The following SLC39A10 variants were observed in gnomAD, a reference collection of about 807,000 sequenced individuals.
SLC39A10 encodes zinc transporter ZIP10.
In SLC39A10, 13 loss-of-function variants were observed where a neutral mutation model predicts 65.1. The ratio of observed to expected loss-of-function variants is 0.20; its 90% CI spans 0.13 to 0.32. SLC39A10 has a LOEUF of 0.32. Ranked by LOEUF, SLC39A10 falls within the 10% of genes least tolerant of loss-of-function variation. The pLI, the probability that SLC39A10 is intolerant of heterozygous loss-of-function variation, is 1.00. For synonymous variants in SLC39A10, 321 were observed against 342.2 expected, an observed-to-expected ratio of 0.94 and a Z score of 0.68; for missense variants, 831 against 1,018.4, an observed-to-expected ratio of 0.82 and a Z score of 2.50.
intron 3 of SLC39A10, among the ~76,000 whole-genome samples, chr2:195,699,618 C>A (rs1691100339): frequency 6.6e-6 from 1 of 152,046 alleles, no homozygotes; most frequent in Non-Finnish European, 1.5e-5. Context: ...TGATTTCTAA[C>A]TATTCCATTA....
At chr2:195,692,043 G>T (rs1195037658) in intron 3 of SLC39A10, among the ~76,000 whole-genome samples, 1 of 152,170 alleles carries the variant, frequency 6.6e-6, no homozygotes, top group Admixed American at 6.5e-5. Flanking sequence ...GAGAGCTGAG[G>T]ATCCAGTTTC....
At chr2:195,729,391 C>G (rs1252071902) in intron 9 of SLC39A10, among the ~76,000 whole-genome samples, 1 of 152,176 alleles carries the variant, frequency 6.6e-6, no homozygotes, top group African/African-American at 2.4e-5. Flanking sequence ...TAGTCATCTT[C>G]CCTGCTGACT....
intron 9 of SLC39A10, among the ~76,000 whole-genome samples, chr2:195,734,194 G>T (rs926469638): frequency 3.4e-5 from 5 of 146,042 alleles, no homozygotes; most frequent in Middle Eastern, 3.6e-3. Context: ...TTTTTGAGAT[G>T]GAGTTTTGCT....
At position 195,734,412 on chromosome 2, in the gene SLC39A10, C is replaced by T. The variant is rs577568584; in HGVS notation, c.2338-471C>T. ...TCCTGACCCCATGATCCGCCCACCT[C>T]GGCCTTCCAAAGTGCTGGGATTTAT... On this transcript the variant is annotated intron_variant, in intron 9 of 9. Transcript: ENST00000359634. Among the ~76,000 whole-genome samples the T allele has an allele frequency of 1.1e-4, 16 of 152,258 alleles. No homozygotes were observed. In the East Asian group the frequency reaches 1.9e-3, roughly 18 times the overall value.
At chr2:195,620,163 A>AT (rs1159729464) in intron 2 of SLC39A10, among the ~76,000 whole-genome samples, 2 of 152,002 alleles carry the variant, frequency 1.3e-5, no homozygotes, top group African/African-American at 2.4e-5. Context: ...ACCTCAAGTG[A>AT]TCCCCCCGCC....
chr2:195,616,780 T>A (rs1409016223), intron 2 of SLC39A10, among the ~76,000 whole-genome samples: 2 of 151,988 alleles, frequency 1.3e-5, no homozygotes, highest in African/African-American at 4.8e-5. Flanking sequence ...ATTTTTTGTA[T>A]TTTTAGTAGA....
In SLC39A10 at chr2:195,709,192, C is replaced by CT. The variant is rs552382598; in HGVS notation, c.1575+350dup. 8.5e-5 allele frequency among the ~76,000 whole-genome samples: 12 copies of CT among 141,490 alleles called. No individual in the cohort carries two copies. In the South Asian group the frequency reaches 1.2e-3, roughly 14 times the overall value. 92.8% of individuals were successfully genotyped at this position (141,490 alleles called of 152,430 possible). ...GGCACATGCCACCATGCCCAGCTAA[C>CT]TTGTATGTATGTATGTATGTATGTA... is the stretch of plus-strand genomic sequence containing the variant. On this transcript the variant is annotated intron_variant, in intron 5 of 9. Coordinates refer to ENST00000359634, the MANE Select transcript of SLC39A10 (RefSeq NM_020342.3).
chr2:195,730,967 A>G (rs993909939), intron 9 of SLC39A10, among the ~76,000 whole-genome samples: 4 of 151,812 alleles, frequency 2.6e-5, no homozygotes, highest in African/African-American at 9.7e-5. Context: ...TACCCTCATC[A>G]TTTTCATCCA....
At chr2:195,625,265 CTTTTTTTCTT>C (rs546885111) in intron 2 of SLC39A10, among the ~76,000 whole-genome samples, 1,352 of 131,380 alleles carry the variant, frequency 0.01, 11 homozygotes, top group Non-Finnish European at 0.015. Flanking sequence ...CTGTTGACAA[CTTTTTTTCTT>C]TTTTTTTCTT....
chr2:195,618,753 T>C (rs532199830), intron 2 of SLC39A10, among the ~76,000 whole-genome samples: 1 of 152,172 alleles, frequency 6.6e-6, no homozygotes. Flanking sequence ...AGAGACAATG[T>C]GAATTTTTTT....
At position 195,643,286 on chromosome 2, in the gene SLC39A10, G is replaced by C. The variant is rs559514461; in HGVS notation, c.-11-36746G>C. Among the ~76,000 whole-genome samples, 64 of 152,252 alleles carry C rather than the reference G, an allele frequency of 4.2e-4. No homozygotes were observed. The South Asian group carries it at 0.011, about 26-fold the overall frequency. On this transcript the variant is annotated intron_variant, in intron 2 of 2. Transcript: ENST00000458054. ...CTGCAATAGATGAGTTGAACAAGTGGGTCAAATTAGTGTAGAAAAGTCTTC... is the reference window on the plus strand; with the variant it reads ...CTGCAATAGATGAGTTGAACAAGTGCGTCAAATTAGTGTAGAAAAGTCTTC...
chr2:195,700,902 T>A (rs1257104911), intron 3 of SLC39A10, among the ~76,000 whole-genome samples: 1 of 152,092 alleles, frequency 6.6e-6, no homozygotes, highest in African/African-American at 2.4e-5. Context: ...TCTCTTGAGT[T>A]CCTCTTATTG....
At chr2:195,635,694 T>G (rs1688683940) in intron 2 of SLC39A10, among the ~76,000 whole-genome samples, 1 of 95,640 alleles carries the variant, frequency 1.0e-5, no homozygotes, top group African/African-American at 4.4e-5. Flanking sequence ...GCTTTTTTTG[T>G]GGAACCCCCC....
intron 1 of SLC39A10, among the ~76,000 whole-genome samples, chr2:195,668,206 A>G (rs1689709947): frequency 6.6e-6 from 1 of 152,254 alleles, no homozygotes; most frequent in Non-Finnish European, 1.5e-5. Context: ...TGCTGTCAAG[A>G]TAAAGTTTGA....
chr2:195,627,403 T>G (rs985912150), intron 2 of SLC39A10, among the ~76,000 whole-genome samples: 2 of 152,158 alleles, frequency 1.3e-5, no homozygotes, highest in African/African-American at 4.8e-5. Flanking sequence ...TGTGCCAAAT[T>G]TATGCCATTC....
intron 9 of SLC39A10, among the ~76,000 whole-genome samples, chr2:195,732,803 G>A (rs1286658464): frequency 3.3e-5 from 5 of 152,180 alleles, no homozygotes; most frequent in Non-Finnish European, 7.3e-5. Context: ...CTGTGGTAGT[G>A]TGTGGTTCCT....
intron 2 of SLC39A10, among the ~76,000 whole-genome samples, chr2:195,631,018 G>A (rs901817285): frequency 6.6e-6 from 1 of 152,044 alleles, no homozygotes; most frequent in African/African-American, 2.4e-5. Context: ...GTGAAATCCT[G>A]TCTTTACTAA....
chr2:195,693,412 G>GA (rs1368438064), intron 3 of SLC39A10, among the ~76,000 whole-genome samples: 1 of 152,146 alleles, frequency 6.6e-6, no homozygotes, highest in African/African-American at 2.4e-5. Context: ...CCAATTCTTT[G>GA]AATGTCTGAT....
At chr2:195,677,408 G>T (rs1690130907) in intron 1 of SLC39A10, among the ~76,000 whole-genome samples, 1 of 152,142 alleles carries the variant, frequency 6.6e-6, no homozygotes, top group African/African-American at 2.4e-5. Flanking sequence ...ACTGAGCGTG[G>T]TGGCACACAC....
Sources: allele counts gnomAD v4.1 joint callset (sites outside exome capture counted in the v4.1 genomes callset), GRCh38; gene constraint gnomAD v4.1.1; transcripts MANE v1.5; gene names NCBI Gene and HGNC (gene_info 2026-07-23, HGNC 2026-07-21).